Variants in AKAP6 observed in about 807,000 individuals in gnomAD.
AKAP6 encodes A-kinase anchoring protein 6, also known as A-kinase anchor protein 6.
In AKAP6, 58 loss-of-function variants were observed where a neutral mutation model predicts 188.5. That is an observed-to-expected ratio of 0.31 (90% CI 0.25 to 0.38). The LOEUF (loss-of-function observed/expected upper bound fraction) is 0.38. Among genes scored for constraint, AKAP6 ranks in the 10% least tolerant of loss-of-function variants. AKAP6 has a pLI of 1.00. For missense variants in AKAP6, 2,710 were observed against 2,740.0 expected (o/e 0.99, Z 0.24); for synonymous variants, 989 against 998.6 (o/e 0.99, Z 0.18).
At chr14:32,734,114 A>G (rs539317309) in intron 10 of AKAP6, 1 of 152,270 alleles carries the variant, frequency 6.6e-6, no homozygotes, top group Non-Finnish European at 1.5e-5. Context: ...TTCAAATACA[A>G]CATGCAGGTT....
intron 7 of AKAP6, among the ~76,000 whole-genome samples, chr14:32,610,057 A>G (rs1206747660): frequency 1.3e-5 from 2 of 152,184 alleles, no homozygotes; most frequent in Non-Finnish European, 2.9e-5. Flanking sequence ...GTTAGCACTC[A>G]CAACGGGCTT....
At chr14:32,738,686 A>G (rs1042329059) in intron 11 of AKAP6, among the ~76,000 whole-genome samples, 1 of 152,158 alleles carries the variant, frequency 6.6e-6, no homozygotes, top group Non-Finnish European at 1.5e-5. Context: ...GACAGAGGGA[A>G]AATGATTGTC....
rs1321766167 is a variant in AKAP6, at chr14:32,824,735, A to C, written c.6922A>C (p.Asn2308His). 1 of 1,612,524 alleles carries C rather than the reference A, an allele frequency of 6.2e-7. No individual in the cohort carries two copies. The highest frequency in any genetic ancestry group is 1.1e-5 in the South Asian group (1 of 90,686). ...TTTAACCTGTGAAGAAAATCTTCTA[A>C]ACCTTCATGAAAAACGACATAGAAA... is the stretch of plus-strand genomic sequence containing the variant. ...KTLTCEENLL[N>H]LHEKRHRNMH... is the part of the protein sequence containing the mutation. The change falls in exon 13 of 14, where the codon AAC (asparagine) becomes CAC (histidine). Residue 2308 changes from asparagine to histidine, a missense_variant. Coordinates refer to ENST00000280979, the MANE Select transcript of AKAP6 (RefSeq NM_004274.5).
At chr14:32,436,753 A>G (rs1277220706) in intron 2 of AKAP6, among the ~76,000 whole-genome samples, 11 of 152,120 alleles carry the variant, frequency 7.2e-5, no homozygotes, top group Admixed American at 4.6e-4. Context: ...ACTGGGCAGC[A>G]TGGTGAAACC....
intron 12 of AKAP6, among the ~76,000 whole-genome samples, chr14:32,785,737 C>A (rs1200962820): frequency 1.3e-5 from 2 of 152,096 alleles, no homozygotes; most frequent in African/African-American, 4.8e-5. Context: ...TACAGGACAA[C>A]TTCTTTCTCT....
At chr14:32,794,849 C>T (rs952849794) in intron 12 of AKAP6, among the ~76,000 whole-genome samples, 2 of 151,824 alleles carry the variant, frequency 1.3e-5, no homozygotes, top group African/African-American at 2.4e-5. Context: ...ATCAGTGAAT[C>T]CAAGAGCTAT....
At chr14:32,500,682 A>G (rs566022651) in intron 2 of AKAP6, among the ~76,000 whole-genome samples, 7 of 152,242 alleles carry the variant, frequency 4.6e-5, no homozygotes, top group East Asian at 1.9e-4. Context: ...ATTACCATAT[A>G]TGGGGAAAAG....
intron 1 of AKAP6, among the ~76,000 whole-genome samples, chr14:32,343,670 C>T (rs1442181867): frequency 6.9e-6 from 1 of 145,120 alleles, no homozygotes; most frequent in Non-Finnish European, 1.5e-5. Flanking sequence ...ATGGCGTGAA[C>T]CCGGAAGGAG....
chr14:32,392,034 T>C (rs1256889470), intron 1 of AKAP6, among the ~76,000 whole-genome samples: 2 of 152,082 alleles, frequency 1.3e-5, no homozygotes, highest in African/African-American at 2.4e-5. Flanking sequence ...AAAAAAATCA[T>C]CCAGGATTTG....
At chr14:32,457,086 C>A (rs751427924) in intron 2 of AKAP6, among the ~76,000 whole-genome samples, 1 of 152,226 alleles carries the variant, frequency 6.6e-6, no homozygotes, top group African/African-American at 2.4e-5. Context: ...AGTCAGGGAA[C>A]TCTGAGCAGC....
chr14:32,618,783 C>T (rs1478355632), intron 7 of AKAP6, among the ~76,000 whole-genome samples: 2 of 152,202 alleles, frequency 1.3e-5, no homozygotes, highest in Non-Finnish European at 2.9e-5. Context: ...CTGTTTTCCA[C>T]AGGGATTGTA....
At chr14:32,497,404 C>G (rs1365540156) in intron 2 of AKAP6, among the ~76,000 whole-genome samples, 5 of 152,006 alleles carry the variant, frequency 3.3e-5, no homozygotes, top group South Asian at 2.1e-4. Flanking sequence ...TATTTCTTTT[C>G]TAAGTATTTG....
intron 11 of AKAP6, among the ~76,000 whole-genome samples, chr14:32,745,043 C>A (rs570662609): frequency 3.3e-5 from 5 of 152,188 alleles, no homozygotes; most frequent in African/African-American, 1.2e-4. Flanking sequence ...TGCAACACAG[C>A]AATTTTGAGT....
At chr14:32,695,841 C>A (rs2139696148) in intron 8 of AKAP6, 149 bp from the exon 9 acceptor site, 1 of 913,700 alleles carries the variant, frequency 1.1e-6, no homozygotes. Context: ...TTCTATTTTG[C>A]CCAGTGTGTA....
intron 7 of AKAP6, among the ~76,000 whole-genome samples, chr14:32,638,385 A>G (rs1422032009): frequency 6.6e-6 from 1 of 152,106 alleles, no homozygotes; most frequent in Non-Finnish European, 1.5e-5. Flanking sequence ...TCTATTTTGT[A>G]TGCCAGTGTT....
intron 2 of AKAP6, among the ~76,000 whole-genome samples, chr14:32,443,776 G>A (rs970298969): frequency 2.6e-5 from 4 of 152,190 alleles, no homozygotes; most frequent in African/African-American, 9.7e-5. Flanking sequence ...GTAAGTACAT[G>A]CCAGATACTT....
At chr14:32,571,412 C>T (rs1389537335) in intron 4 of AKAP6, among the ~76,000 whole-genome samples, 2 of 152,150 alleles carry the variant, frequency 1.3e-5, no homozygotes, top group South Asian at 2.1e-4. Context: ...CACCTGTAGT[C>T]CCAGCTACTC....
At chr14:32,401,879 A>C (rs1889103086) in intron 1 of AKAP6, 1 of 152,206 alleles carries the variant, frequency 6.6e-6, no homozygotes, top group Non-Finnish European at 1.5e-5. Flanking sequence ...AATTGTGACC[A>C]GGATTGCAAA....
At chr14:32,665,341 T>G (rs1180181249) in intron 7 of AKAP6, among the ~76,000 whole-genome samples, 5 of 152,128 alleles carry the variant, frequency 3.3e-5, no homozygotes, top group African/African-American at 1.2e-4. Flanking sequence ...CCATGACCCC[T>G]TCTTTGGGTT....
Sources: gnomAD v4.1 joint callset for allele counts (sites outside exome capture counted in the v4.1 genomes callset) on GRCh38, gnomAD v4.1.1 for gene constraint, MANE v1.5 for transcripts, NCBI Gene and HGNC (gene_info 2026-07-23, HGNC 2026-07-21) for gene names.